The following NTM variants were observed in gnomAD, a reference collection of about 807,000 sequenced individuals.
NTM encodes IgLON family member 2.
Under a neutral mutation model 42.1 loss-of-function variants are expected in NTM, and 13 were observed. That is an observed-to-expected ratio of 0.31 (90% CI 0.20 to 0.49). The LOEUF (loss-of-function observed/expected upper bound fraction) is 0.49. Among genes scored for constraint, NTM ranks in the 20% least tolerant of loss-of-function variants. The pLI is 0.99. For synonymous variants in NTM, 187 were observed against 179.2 expected, an observed-to-expected ratio of 1.04 and a Z score of -0.35; for missense variants, 373 against 452.8, an observed-to-expected ratio of 0.82 and a Z score of 1.60.
At chr11:132,108,930 C>T (rs1191840951) in intron 2 of NTM, among the ~76,000 whole-genome samples, 1 of 152,136 alleles carries the variant, frequency 6.6e-6, no homozygotes, top group Non-Finnish European at 1.5e-5. Flanking sequence ...GTTCAACTCC[C>T]ACTTATGAGT....
chr11:131,740,550 T>G (rs2081053671), intron 1 of NTM, among the ~76,000 whole-genome samples: 1 of 152,044 alleles, frequency 6.6e-6, no homozygotes, highest in Non-Finnish European at 1.5e-5. Flanking sequence ...CATAGAAAAG[T>G]GTTTATTTTC....
chr11:132,053,872 G>A (rs970370310), intron 2 of NTM, among the ~76,000 whole-genome samples: 16 of 152,190 alleles, frequency 1.1e-4, no homozygotes, highest in African/African-American at 3.9e-4. Flanking sequence ...CACTAGAGTA[G>A]TATCACTGGA....
At chr11:131,840,200 G>T (rs1434351213) in intron 1 of NTM, among the ~76,000 whole-genome samples, 2 of 152,154 alleles carry the variant, frequency 1.3e-5, no homozygotes, top group Non-Finnish European at 2.9e-5. Context: ...AAGCCACGAG[G>T]CCAAATCAGA....
intron 4 of NTM, among the ~76,000 whole-genome samples, chr11:132,240,552 C>G (rs2090017910): frequency 6.6e-6 from 1 of 152,230 alleles, no homozygotes. Context: ...AGGGATTGTC[C>G]TGTTCCAAAC....
intron 1 of NTM, among the ~76,000 whole-genome samples, chr11:131,454,816 C>T (rs1244997796): frequency 1.3e-5 from 2 of 151,134 alleles, no homozygotes; most frequent in Non-Finnish European, 3.0e-5. Context: ...GCTGGGGCCA[C>T]AGAGAGAAGA....
At chr11:131,794,147 T>G (rs551666108) in intron 1 of NTM, among the ~76,000 whole-genome samples, 1 of 151,942 alleles carries the variant, frequency 6.6e-6, no homozygotes, top group Non-Finnish European at 1.5e-5. Context: ...GGGTGTGGAG[T>G]GCCACGGTGC....
chr11:132,144,740 T>C (rs1281811427), intron 2 of NTM, among the ~76,000 whole-genome samples: 2 of 152,188 alleles, frequency 1.3e-5, no homozygotes, highest in Non-Finnish European at 2.9e-5. Context: ...CCTTCACTCA[T>C]TTCCATGCTG....
chr11:132,105,677 G>T (rs2062276701), intron 2 of NTM, among the ~76,000 whole-genome samples: 1 of 152,148 alleles, frequency 6.6e-6, no homozygotes, highest in Non-Finnish European at 1.5e-5. Context: ...GTCCTTAATT[G>T]TCATGAGTTG....
chr11:132,219,629 T>TC (rs913064019), intron 4 of NTM, among the ~76,000 whole-genome samples: 122 of 150,760 alleles, frequency 8.1e-4, no homozygotes, highest in East Asian at 8.0e-3. Flanking sequence ...GAAAAGGCCC[T>TC]CCCCCCCCAC....
At chr11:131,540,501 C>A (rs969408314) in intron 1 of NTM, 1 of 152,104 alleles carries the variant, frequency 6.6e-6, no homozygotes, top group Non-Finnish European at 1.5e-5. Flanking sequence ...CTGACGACCT[C>A]CAAGGCCATT....
In NTM at chr11:131,759,686, T is replaced by C. The variant is rs913699733; in HGVS notation, c.83-151878T>C. ...TGCTCAAGATTTTTTTTTTTTTTAA[T>C]GATTTTATTACTTGGCTTGTTAGGG... On this transcript the variant is annotated intron_variant, in intron 1 of 8. Transcript: ENST00000683400. Among the ~76,000 whole-genome samples, 26 of 151,986 alleles carry C rather than the reference T, an allele frequency of 1.7e-4. 1 individual carries two copies. The highest frequency in any genetic ancestry group is 1.6e-3 in the Admixed American group (24 of 15,260).
chr11:131,488,632 C>T (rs946541866), intron 1 of NTM, among the ~76,000 whole-genome samples: 1 of 152,268 alleles, frequency 6.6e-6, no homozygotes, highest in East Asian at 1.9e-4. Context: ...TTCTTGGAGG[C>T]CTTTTTTTGG....
intron 2 of NTM, among the ~76,000 whole-genome samples, chr11:131,992,935 A>T (rs886568412): frequency 1.6e-4 from 24 of 152,276 alleles, no homozygotes; most frequent in African/African-American, 5.5e-4. Flanking sequence ...ATGCCAATCC[A>T]CAGAGAGGGT....
At chr11:132,139,579 G>A (rs1037329425) in intron 2 of NTM, among the ~76,000 whole-genome samples, 2 of 152,188 alleles carry the variant, frequency 1.3e-5, no homozygotes, top group Non-Finnish European at 2.9e-5. Context: ...TTCTGGAGGT[G>A]CACAGAGCAA....
intron 4 of NTM, among the ~76,000 whole-genome samples, chr11:132,285,968 G>A (rs1408149388): frequency 6.6e-6 from 1 of 152,096 alleles, no homozygotes; most frequent in Non-Finnish European, 1.5e-5. Context: ...TGGCTTCCTC[G>A]GTTTGCAGAG....
chr11:131,694,508 C>T (rs148087827), intron 1 of NTM, among the ~76,000 whole-genome samples: 7 of 152,252 alleles, frequency 4.6e-5, no homozygotes, highest in African/African-American at 1.7e-4. Flanking sequence ...GGGGAGTTGC[C>T]GGAGAAGTCC....
intron 1 of NTM, chr11:131,794,642 A>AATGC: frequency 1.0e-6 from 1 of 985,322 alleles, no homozygotes; most frequent in Non-Finnish European, 1.2e-6. Flanking sequence ...TGAATGAATG[A>AATGC]ATGAGTAGTG....
chr11:131,704,032 T>C (rs2076332747), intron 1 of NTM, among the ~76,000 whole-genome samples: 1 of 152,016 alleles, frequency 6.6e-6, no homozygotes, highest in Non-Finnish European at 1.5e-5. Context: ...AGACTCCAGG[T>C]TGGCTCATGT....
At chr11:131,639,922 C>T (rs1232747300) in intron 1 of NTM, among the ~76,000 whole-genome samples, 4 of 151,808 alleles carry the variant, frequency 2.6e-5, no homozygotes, top group African/African-American at 9.7e-5. Flanking sequence ...CACCACTGCA[C>T]TCCAGCCTGG....
Sources: allele counts gnomAD v4.1 joint callset (sites outside exome capture counted in the v4.1 genomes callset), GRCh38; gene constraint gnomAD v4.1.1; transcripts MANE v1.5; gene names NCBI Gene and HGNC (gene_info 2026-07-23, HGNC 2026-07-21).